The following EIPR1 variants were observed in gnomAD, a reference collection of about 807,000 sequenced individuals.
EIPR1 encodes EARP complex and GARP complex interacting protein 1.
Under a neutral mutation model 48.1 loss-of-function variants are expected in EIPR1, and 25 were observed. The ratio of observed to expected loss-of-function variants is 0.52; its 90% CI spans 0.38 to 0.73. EIPR1 has a LOEUF of 0.73. EIPR1 is among the 30% of genes least tolerant of loss of function. The probability of loss-of-function intolerance (pLI) is 0.00; values close to 1 mark genes in which losing one functional copy is unlikely to be tolerated. For missense variants in EIPR1, 415 were observed against 506.2 expected (o/e 0.82, Z 1.73); for synonymous variants, 204 against 201.9 (o/e 1.01, Z -0.09).
At chr2:3,241,724 G>A (rs1270697533) in intron 4 of EIPR1, among the ~76,000 whole-genome samples, 7 of 152,174 alleles carry the variant, frequency 4.6e-5, no homozygotes, top group Admixed American at 3.9e-4. Context: ...GGAAGGTGCT[G>A]GAAATGGGCT....
At chr2:3,295,532 C>CTG (rs1558280421) in intron 3 of EIPR1, among the ~76,000 whole-genome samples, 7 of 81,130 alleles carry the variant, frequency 8.6e-5, no homozygotes, top group Non-Finnish European at 1.0e-4. Context: ...CATCGTCTCT[C>CTG]CACACACACC....
intron 1 of EIPR1, among the ~76,000 whole-genome samples, chr2:3,356,934 A>G (rs1371318715): frequency 2.0e-5 from 3 of 152,258 alleles, no homozygotes; most frequent in Non-Finnish European, 2.9e-5. Context: ...CCTTTTCTGC[A>G]TGGCAGTAGG....
chr2:3,290,212 C>A (rs1052378829), intron 3 of EIPR1, among the ~76,000 whole-genome samples: 20 of 152,238 alleles, frequency 1.3e-4, no homozygotes, highest in African/African-American at 4.3e-4. Flanking sequence ...CTCGCTCACC[C>A]GGATGCAGCC....
At chr2:3,372,210 A>T (rs1659681004) in intron 1 of EIPR1, among the ~76,000 whole-genome samples, 1 of 150,788 alleles carries the variant, frequency 6.6e-6, no homozygotes. Context: ...ACATACCAGA[A>T]TCTCTGGGAC....
chr2:3,225,945 T>C (rs192046673), intron 4 of EIPR1, among the ~76,000 whole-genome samples: 8 of 152,378 alleles, frequency 5.3e-5, no homozygotes, highest in Non-Finnish European at 1.0e-4. Flanking sequence ...GGTTCGTCCA[T>C]ATTGTTTCAA....
At chr2:3,310,186 A>T (rs1426581073) in intron 3 of EIPR1, among the ~76,000 whole-genome samples, 1 of 152,182 alleles carries the variant, frequency 6.6e-6, no homozygotes, top group African/African-American at 2.4e-5. Flanking sequence ...GTCAGAAAAC[A>T]ATGTTTCCAC....
chr2:3,342,030 G>A lies in EIPR1; in HGVS notation c.127-3881C>T, dbSNP rs985926242. On this transcript the variant is annotated intron_variant, in intron 2 of 8. Transcript: ENST00000382125. ...GGGAATTCTATGATAGAATTGATCCGGATTATAACTTGTCCAATTCTTTTA... is the reference window on the plus strand; with the variant it reads ...GGGAATTCTATGATAGAATTGATCCAGATTATAACTTGTCCAATTCTTTTA... Among the ~76,000 whole-genome samples, 9 of 152,012 alleles carry A rather than the reference G, an allele frequency of 5.9e-5. No homozygotes were observed. The East Asian group carries it at 1.2e-3, about 20-fold the overall frequency.
At chr2:3,222,453 T>C (rs780379746) in intron 4 of EIPR1, among the ~76,000 whole-genome samples, 19 of 152,240 alleles carry the variant, frequency 1.2e-4, no homozygotes, top group Non-Finnish European at 2.5e-4. Flanking sequence ...TTTAGATCTA[T>C]GAAGAAAAAA....
intron 3 of EIPR1, among the ~76,000 whole-genome samples, chr2:3,321,098 C>T (rs765680144): frequency 1.3e-4 from 20 of 152,294 alleles, no homozygotes; most frequent in Middle Eastern, 3.4e-3. Context: ...CTGAGGGGAA[C>T]GACACCACGC....
intron 3 of EIPR1, among the ~76,000 whole-genome samples, chr2:3,337,033 AAAGAAAAGAGAAGGGAAAAGGGTAAAAAG>A (rs142455473): frequency 0.073 from 7,191 of 98,380 alleles, 1,263 homozygotes; most frequent in Non-Finnish European, 0.1. Context: ...AGGGAAGGGA[AAAGAAAAGAGAAGGGAAAAGGGTAAAAAG>A]AAGGGAAGGG....
At chr2:3,318,074 G>A (rs1394608982) in intron 3 of EIPR1, among the ~76,000 whole-genome samples, 5 of 152,328 alleles carry the variant, frequency 3.3e-5, no homozygotes, top group South Asian at 4.1e-4. Context: ...GGTCCCAGGC[G>A]CACAGCCGTG....
At chr2:3,250,710 A>G (rs1476415326) in intron 4 of EIPR1, among the ~76,000 whole-genome samples, 2 of 152,214 alleles carry the variant, frequency 1.3e-5, no homozygotes, top group African/African-American at 4.8e-5. Flanking sequence ...CGGATCCCTC[A>G]TGAAAGGCTG....
intron 1 of EIPR1, among the ~76,000 whole-genome samples, chr2:3,365,191 A>G (rs1670943424): frequency 6.6e-6 from 1 of 151,984 alleles, no homozygotes; most frequent in Admixed American, 6.6e-5. Context: ...TAATTCCACA[A>G]CTGTAAGAGG....
At chr2:3,211,796 G>A (rs1006564566) in intron 5 of EIPR1, among the ~76,000 whole-genome samples, 3 of 152,136 alleles carry the variant, frequency 2.0e-5, no homozygotes, top group East Asian at 1.9e-4. Flanking sequence ...CGCCACTGTC[G>A]GCTCCTTGAC....
chr2:3,305,156 A>C (rs1668896277), intron 3 of EIPR1, among the ~76,000 whole-genome samples: 2 of 111,392 alleles, frequency 1.8e-5, no homozygotes, highest in Non-Finnish European at 3.6e-5. Flanking sequence ...TCAGCCCTCC[A>C]CTCCCGTCCA....
intron 3 of EIPR1, among the ~76,000 whole-genome samples, chr2:3,322,808 T>C (rs1239952229): frequency 2.0e-5 from 3 of 152,152 alleles, no homozygotes; most frequent in African/African-American, 7.2e-5. Flanking sequence ...AATGCTCCAG[T>C]TCCTTCATCA....
intron 3 of EIPR1, among the ~76,000 whole-genome samples, chr2:3,292,069 G>C (rs1668379998): frequency 6.6e-6 from 1 of 152,246 alleles, no homozygotes. Flanking sequence ...TGCTCTGTGA[G>C]GAAGGTTGAA....
chr2:3,255,244 C>T (rs1421949669), intron 4 of EIPR1, among the ~76,000 whole-genome samples: 1 of 150,600 alleles, frequency 6.6e-6, no homozygotes, highest in Non-Finnish European at 1.5e-5. Context: ...GTGCAGTAGC[C>T]TGATCTCAGC....
intron 5 of EIPR1, among the ~76,000 whole-genome samples, chr2:3,210,956 T>C (rs1209872622): frequency 1.3e-5 from 2 of 151,930 alleles, no homozygotes; most frequent in East Asian, 3.9e-4. Flanking sequence ...CACTACTAAG[T>C]GAGAACATGC....
Sources: gnomAD v4.1 joint callset for allele counts (sites outside exome capture counted in the v4.1 genomes callset) on GRCh38, gnomAD v4.1.1 for gene constraint, MANE v1.5 for transcripts, NCBI Gene and HGNC (gene_info 2026-07-23, HGNC 2026-07-21) for gene names.